Variants in SPEF2 observed in about 807,000 individuals in gnomAD.
SPEF2 encodes the protein sperm flagella and cilia-associated protein 2.
SPEF2 carries 187 observed loss-of-function variants against 224.6 expected under a neutral mutation model. That is an observed-to-expected ratio of 0.83 (90% confidence interval 0.74 to 0.94). SPEF2 has a LOEUF of 0.94. Ranked by LOEUF, SPEF2 falls within the 40% of genes least tolerant of loss-of-function variation. SPEF2 has a pLI of 0.00. For missense variants in SPEF2, 2,170 were observed against 2,135.6 expected, an observed-to-expected ratio of 1.02 and a Z score of -0.32; for synonymous variants, 715 against 707.3, an observed-to-expected ratio of 1.01 and a Z score of -0.17.
rs116543443 is a variant in SPEF2 at position 35,656,775 on chromosome 5, C to A, written c.978+2049C>A. On this transcript the variant is annotated intron_variant, in intron 7 of 36. Transcript: ENST00000356031. ...ATTTACCAGTTTGGAAATCCAGCAA[C>A]CTAAGGGGCCTAAAAAAGAGCCAGG... Among the ~76,000 whole-genome samples, 820 of 152,306 alleles carry A rather than the reference C, an allele frequency of 5.4e-3. 8 individuals carry two copies. The highest frequency in any genetic ancestry group is 0.019 in the African/African-American group (772 of 41,568).
At chr5:35,721,233 A>G (rs1743608712) in intron 20 of SPEF2, among the ~76,000 whole-genome samples, 1 of 152,196 alleles carries the variant, frequency 6.6e-6, no homozygotes, top group Admixed American at 6.5e-5. Flanking sequence ...CACTCAATAC[A>G]ATCCTATAAC....
chr5:35,703,781 G>A (rs2149572966), intron 16 of SPEF2, among the ~76,000 whole-genome samples: 1 of 152,252 alleles, frequency 6.6e-6, no homozygotes, highest in East Asian at 1.9e-4. Context: ...GCATCATTCT[G>A]TATTCTAAAT....
chr5:35,629,241 C>A (rs986327788), intron 2 of SPEF2, among the ~76,000 whole-genome samples: 1 of 145,184 alleles, frequency 6.9e-6, no homozygotes, highest in Admixed American at 6.8e-5. Context: ...GCAAGCTCCG[C>A]CTCCCGCATT....
At chr5:35,627,936 A>G (rs756048350) in intron 1 of SPEF2, among the ~76,000 whole-genome samples, 34 of 152,164 alleles carry the variant, frequency 2.2e-4, no homozygotes, top group Non-Finnish European at 3.7e-4. Flanking sequence ...CCTCTGAACC[A>G]TGAAGGAGAA....
At chr5:35,782,718 A>G (rs1272739185) in intron 30 of SPEF2, among the ~76,000 whole-genome samples, 1 of 152,134 alleles carries the variant, frequency 6.6e-6, no homozygotes, top group Non-Finnish European at 1.5e-5. Flanking sequence ...TCTGCTAAGT[A>G]TTGGTTAATC....
In SPEF2 at chr5:35,667,176, G is replaced by T; in HGVS notation, c.1272G>T (p.Lys424Asn). Residue 424 changes from lysine to asparagine, a missense_variant, in exon 9 of 37, where the codon AAG becomes AAT. Physicochemically the swap from Lys to Asn is moderately conservative, Grantham distance 94. Transcript: ENST00000356031. ...AVERAQARYEKHYSVCAEILD... is the reference protein window; with the variant it reads ...AVERAQARYENHYSVCAEILD... ...AAAGAGCTCAAGCTCGTTATGAAAA[G>T]CATTATTCAGTATGTGCAGAAATTT... 1 of 1,612,292 alleles carries T rather than the reference G, an allele frequency of 6.2e-7. No homozygotes were observed. The highest frequency in any genetic ancestry group is 2.2e-5 in the East Asian group (1 of 44,784).
At chr5:35,741,917 G>A (rs1208133887) in intron 23 of SPEF2, among the ~76,000 whole-genome samples, 1 of 152,112 alleles carries the variant, frequency 6.6e-6, no homozygotes, top group Non-Finnish European at 1.5e-5. Context: ...AGAATGAGAG[G>A]ATTTGGAAAT....
intron 23 of SPEF2, among the ~76,000 whole-genome samples, chr5:35,751,074 TATATACACACACACACACACAC>T (rs1749512829): frequency 1.5e-4 from 8 of 54,106 alleles, no homozygotes; most frequent in African/African-American, 3.1e-4. Flanking sequence ...TATGTATATA[TATATACACACACACACACACAC>T]ATATATATAT....
intron 10 of SPEF2, among the ~76,000 whole-genome samples, chr5:35,674,826 T>A (rs1751699346): frequency 6.6e-6 from 1 of 152,078 alleles, no homozygotes; most frequent in Non-Finnish European, 1.5e-5. Context: ...CCATAATATA[T>A]GCATTTATTC....
At chr5:35,730,331 G>A (rs7444163) in intron 21 of SPEF2, among the ~76,000 whole-genome samples, 100,407 of 152,126 alleles carry the variant, frequency 0.66, 33,746 homozygotes, top group African/African-American at 0.76. Flanking sequence ...AGTCACAAGA[G>A]CAGCCTCCCA....
At chr5:35,624,732 G>T (rs769426099) in intron 1 of SPEF2, among the ~76,000 whole-genome samples, 1 of 152,130 alleles carries the variant, frequency 6.6e-6, no homozygotes, top group Non-Finnish European at 1.5e-5. Flanking sequence ...CGCCTCCTGG[G>T]TTCAAGCAAT....
intron 33 of SPEF2, 110 bp downstream of exon 33, chr5:35,795,905 C>A: frequency 1.1e-6 from 1 of 875,680 alleles, no homozygotes. Context: ...CCCCTCAATT[C>A]CTCTGCTGCC....
chr5:35,759,208 G>A (rs1274540962), intron 24 of SPEF2, among the ~76,000 whole-genome samples: 2 of 151,922 alleles, frequency 1.3e-5, no homozygotes, highest in South Asian at 4.2e-4. Context: ...AAAGAAGTTT[G>A]CTACTATATT....
chr5:35,784,865 G>T (rs188481876), intron 30 of SPEF2, among the ~76,000 whole-genome samples: 28 of 152,284 alleles, frequency 1.8e-4, no homozygotes, highest in Admixed American at 1.4e-3. Flanking sequence ...ATGTGTGAGA[G>T]AGTGGCAGGC....
chr5:35,709,902 T>C (rs1740756512), intron 19 of SPEF2: 2 of 985,432 alleles, frequency 2.0e-6, no homozygotes, highest in Non-Finnish European at 2.4e-6. Context: ...AGTTACACCA[T>C]GTCTACCTAA....
intron 10 of SPEF2, among the ~76,000 whole-genome samples, chr5:35,686,874 AC>A (rs1384838525): frequency 1.6e-4 from 24 of 152,200 alleles, no homozygotes; most frequent in African/African-American, 5.5e-4. Context: ...ATATGTATAT[AC>A]ACATATATAT....
At chr5:35,811,181 G>A (rs750305114) in intron 36 of SPEF2, among the ~76,000 whole-genome samples, 8 of 151,988 alleles carry the variant, frequency 5.3e-5, no homozygotes, top group Non-Finnish European at 1.0e-4. Context: ...CACTGCACTC[G>A]TCCTGTCATT....
chr5:35,669,161 A>G (rs1239971285), intron 9 of SPEF2, among the ~76,000 whole-genome samples: 1 of 152,072 alleles, frequency 6.6e-6, no homozygotes, highest in African/African-American at 2.4e-5. Flanking sequence ...TAAGTGGAAT[A>G]ATATATTTGT....
intron 23 of SPEF2, among the ~76,000 whole-genome samples, chr5:35,745,631 G>A (rs1748397439): frequency 6.6e-6 from 1 of 152,098 alleles, no homozygotes; most frequent in Non-Finnish European, 1.5e-5. Context: ...AGTGACCTGG[G>A]AATCTCACCC....
Sources: allele counts gnomAD v4.1 joint callset (sites outside exome capture counted in the v4.1 genomes callset), GRCh38; gene constraint gnomAD v4.1.1; transcripts MANE v1.5; gene names NCBI Gene and HGNC (gene_info 2026-07-23, HGNC 2026-07-21).